COQ8A: variants seen among roughly 807,000 people sequenced by gnomAD.
The protein encoded by COQ8A is coenzyme Q8A, also known as atypical kinase COQ8A, mitochondrial.
A neutral mutation model predicts 65.0 loss-of-function variants in COQ8A; 51 were observed. The observed-to-expected ratio is 0.78, with a 90% CI of 0.63 to 0.99. COQ8A has a LOEUF of 0.99. Among genes scored for constraint, COQ8A ranks in the 50% least tolerant of loss-of-function variants. The probability of loss-of-function intolerance (pLI) is 0.00; values close to 1 mark genes in which losing one functional copy is unlikely to be tolerated. For synonymous variants in COQ8A, 371 were observed against 353.2 expected (o/e 1.05, Z -0.57); for missense variants, 940 against 875.0 (o/e 1.07, Z -0.94).
chr1:226,951,584 T>G (rs571483342), intron 1 of COQ8A, among the ~76,000 whole-genome samples: 5 of 152,122 alleles, frequency 3.3e-5, no homozygotes, highest in Admixed American at 1.3e-4. Flanking sequence ...AGAACTATAA[T>G]GGGGGGGTCC....
intron 1 of COQ8A, among the ~76,000 whole-genome samples, chr1:226,954,931 C>G (rs1382055602): frequency 1.3e-5 from 2 of 152,100 alleles, no homozygotes; most frequent in Non-Finnish European, 2.9e-5. Context: ...TTGGGGAAGC[C>G]TTCCCAGAAG....
At position 226,984,731 on chromosome 1, in the gene COQ8A, C is replaced by T. The variant is rs533222091; in HGVS notation, c.1506+76C>T. 58 of 1,520,366 alleles carry T rather than the reference C, an allele frequency of 3.8e-5. 2 individuals are homozygous for T. In the South Asian group the frequency reaches 6.3e-4, roughly 16 times the overall value. The allele number at this position is 1,520,366 out of a possible 1,614,324, so 94.2% of individuals were successfully genotyped here. A position where few individuals can be genotyped will look rare whatever the true frequency, so the allele number is the denominator to read the frequency against. ...ATGGGGCACGTGAGGCCCTGGACTG[C>T]CCCTTGTCCTGGGAAAGTCAGCAGA... On this transcript the variant is annotated intron_variant, in intron 12 of 14. Transcript: ENST00000366777.
chr1:226,954,242 G>GA (rs1657556005), intron 1 of COQ8A, among the ~76,000 whole-genome samples: 1 of 152,226 alleles, frequency 6.6e-6, no homozygotes, highest in Non-Finnish European at 1.5e-5. Flanking sequence ...AAGAATAATG[G>GA]AAAAAGAAGG....
intron 5 of COQ8A, 46 bp from the exon 6 acceptor site, chr1:226,981,981 C>T: frequency 1.2e-6 from 2 of 1,612,740 alleles, no homozygotes; most frequent in Non-Finnish European, 8.5e-7. Context: ...CATCCCACTC[C>T]CAGACCCCCC....
intron 4 of COQ8A, chr1:226,975,031 A>G (rs980647535): frequency 6.6e-6 from 1 of 152,194 alleles, no homozygotes; most frequent in African/African-American, 2.4e-5. Context: ...TTGTCTCTGG[A>G]CTTGCTTCAG....
At chr1:226,944,762 A>AGT (rs1558176722) in intron 1 of COQ8A, among the ~76,000 whole-genome samples, 1 of 74,136 alleles carries the variant, frequency 1.3e-5, no homozygotes, top group South Asian at 5.1e-4. Context: ...AGAGAGAGAG[A>AGT]GTGAGAGAGA....
chr1:226,986,116 T>C (rs1224747371), intron 14 of COQ8A, among the ~76,000 whole-genome samples: 2 of 152,174 alleles, frequency 1.3e-5, no homozygotes, highest in East Asian at 3.9e-4. Flanking sequence ...CAGACACGCA[T>C]GGTGGGAGGC....
At chr1:226,940,595 G>GC (rs1656630236) in intron 1 of COQ8A, 196 bp downstream of exon 1, 1 of 152,392 alleles carries the variant, frequency 6.6e-6, no homozygotes, top group African/African-American at 2.4e-5. Context: ...GTCCTCTGCA[G>GC]CCGTCTCACG....
rs1250632443 is a variant in COQ8A, at chr1:226,984,550, C to G, written c.1401C>G (p.Ile467Met). ...CAGACCCTTCGCGCTGTCCACAGAT[C>G]TGCTACAACATCCTGGTTCTGTGCC... ...EGLSQEIRNE[I>M]CYNILVLCLR... Residue 467 changes from isoleucine to methionine, a missense_variant and splice_region_variant, in exon 12 of 15, where the codon ATC becomes ATG. By Grantham distance (10) the Ile-to-Met change is conservative. Coordinates refer to ENST00000366777, the MANE Select transcript of COQ8A (RefSeq NM_020247.5). 5 of 1,613,046 alleles carry G rather than the reference C, an allele frequency of 3.1e-6. No individual in the cohort carries two copies. The highest frequency in any genetic ancestry group is 2.7e-5 in the African/African-American group (2 of 74,914).
At chr1:226,967,857 C>T (rs1354102343) in intron 4 of COQ8A, among the ~76,000 whole-genome samples, 1 of 152,174 alleles carries the variant, frequency 6.6e-6, no homozygotes, top group Non-Finnish European at 1.5e-5. Context: ...CATGTTGTTG[C>T]CCAAGCAATT....
chr1:226,982,948 G>C lies in COQ8A; in HGVS notation c.994G>C (p.Glu332Gln). The C allele has an allele frequency of 1.2e-6, 2 of 1,609,866 alleles. No homozygotes were observed. The highest frequency in any genetic ancestry group is 1.3e-5 in the African/African-American group (1 of 74,970). Residue 332 changes from glutamate to glutamine, a missense_variant, in exon 8 of 15, where the codon GAG becomes CAG. Transcript: ENST00000366777. ...CTGGCGGGACAAGTTGGAATACTTCGAGGAGCGGCCCTTCGCCGCCGCATC... is the reference window on the plus strand; with the variant it reads ...CTGGCGGGACAAGTTGGAATACTTCCAGGAGCGGCCCTTCGCCGCCGCATC... The part of the protein sequence containing the change: ...PNWRDKLEYF[E>Q]ERPFAAASIG...
chr1:226,963,305 C>T (rs1230070534), intron 2 of COQ8A, among the ~76,000 whole-genome samples: 2 of 152,238 alleles, frequency 1.3e-5, no homozygotes, highest in Non-Finnish European at 2.9e-5. Flanking sequence ...TTCGCTTTTC[C>T]GTGTCTCCCT....
chr1:226,966,824 T>C (rs1350674365), intron 4 of COQ8A, among the ~76,000 whole-genome samples: 1 of 152,216 alleles, frequency 6.6e-6, no homozygotes, highest in African/African-American at 2.4e-5. Flanking sequence ...GCTCACGTAC[T>C]GTGCTCCCCG....
intron 10 of COQ8A, 102 bp from the exon 11 acceptor site, chr1:226,983,992 C>T (rs1659893071): frequency 1.3e-6 from 2 of 1,564,752 alleles, no homozygotes; most frequent in Non-Finnish European, 1.7e-6. Context: ...CATATCCTGC[C>T]TGGGGTGAAG....
rs1046888041 is a variant in COQ8A at position 226,983,588 on chromosome 1, A to G, written c.1117A>G (p.Asn373Asp). Residue 373 changes from asparagine (N) to aspartate (D), a missense_variant, in exon 9 of 15, where the codon AAC becomes GAC. Transcript: ENST00000366777. ...GVAQSINSDV[N>D]NLMAVLNMSN... is the part of the protein sequence containing the mutation. ...GGCCCAGAGCATCAACAGTGATGTC[A>G]ACAACCTCATGGCCGTGTTGAACAT... is the stretch of plus-strand genomic sequence containing the variant. The G allele has an allele frequency of 6.2e-7, 1 of 1,613,990 alleles. No homozygotes were observed. The highest frequency in any genetic ancestry group is 8.5e-7 in the Non-Finnish European group (1 of 1,180,014).
chr1:226,986,687 A>G lies in COQ8A; in HGVS notation c.1894A>G (p.Met632Val). ...KLKARFPCKA[M>V]FEEAYSNYCK... ...GAAGGCCCGCTTCCCCTGCAAGGCC[A>G]TGTTCGAGGAGGCCTACAGCAACTA... Residue 632 changes from methionine to valine, a missense_variant, in exon 15 of 15, where the codon ATG (methionine) becomes GTG (valine). Met to Val is a conservative substitution (Grantham distance 21, BLOSUM62 1). Coordinates refer to ENST00000366777, the MANE Select transcript of COQ8A (RefSeq NM_020247.5). 2 of 1,614,070 alleles carry G rather than the reference A, an allele frequency of 1.2e-6. No individual in the cohort carries two copies. The highest frequency in any genetic ancestry group is 1.7e-6 in the Non-Finnish European group (2 of 1,180,038).
At chr1:226,951,177 C>T (rs758273531) in intron 1 of COQ8A, among the ~76,000 whole-genome samples, 3 of 152,188 alleles carry the variant, frequency 2.0e-5, no homozygotes, top group Non-Finnish European at 4.4e-5. Flanking sequence ...CACCCCCTGA[C>T]CCCACACCCA....
Position 226,965,243 on chromosome 1 carries a change from G to A in COQ8A, c.421G>A (p.Ala141Thr). 6.2e-7 allele frequency: 1 copy of A among 1,613,990 alleles called. No homozygotes were observed. Among genetic ancestry groups the A allele is most frequent in the Non-Finnish European group, 8.5e-7 (1 of 1,180,026 alleles). ...PGQASSPLGR[A>T]NGRLFANPRD... ...CCAGGCCTCCTCCCCTCTGGGCAGG[G>A]CCAACGGGAGGCTCTTTGCAAACCC... Residue 141 changes from alanine (A) to threonine (T), a missense_variant, in exon 3 of 15, where the codon GCC becomes ACC. Transcript: ENST00000366777.
At position 226,975,071 on chromosome 1, in the gene COQ8A, T is replaced by C. The variant is rs1284382289; in HGVS notation, c.656-2378T>C. 3.9e-5 allele frequency: 6 copies of C among 152,216 alleles called. No homozygotes were observed. The East Asian group carries it at 9.6e-4, about 24-fold the overall frequency. 9.4% of individuals were successfully genotyped at this position (152,216 alleles called of 1,614,324 possible). ...AGAAGAATCCAGACACAGAGAGACATTGGTGAAGGTCACTGCAGTGCACAG... is the reference window on the plus strand; with the variant it reads ...AGAAGAATCCAGACACAGAGAGACACTGGTGAAGGTCACTGCAGTGCACAG... On this transcript the variant is annotated intron_variant, in intron 4 of 14. Transcript: ENST00000366777.
Sources: gnomAD v4.1 joint callset for allele counts (sites outside exome capture counted in the v4.1 genomes callset) on GRCh38, gnomAD v4.1.1 for gene constraint, MANE v1.5 for transcripts, NCBI Gene and HGNC (gene_info 2026-07-23, HGNC 2026-07-21) for gene names.